The following WARS1 variants were observed in gnomAD, a reference collection of about 807,000 sequenced individuals.
WARS1 encodes tryptophanyl-tRNA synthetase 1, also known as tryptophan--tRNA ligase, cytoplasmic.
In WARS1, 17 loss-of-function variants were observed where a neutral mutation model predicts 47.8. That is an observed-to-expected ratio of 0.36 (90% CI 0.24 to 0.53). The LOEUF is 0.53. Among genes scored for constraint, WARS1 ranks in the 20% least tolerant of loss-of-function variants. The pLI is 0.91. For synonymous variants in WARS1, 208 were observed against 228.1 expected (o/e 0.91, Z 0.79); for missense variants, 434 against 608.0 (o/e 0.71, Z 3.01).
At chr14:100,350,399 GAAAAAAA>G (rs56393656) in intron 6 of WARS1, among the ~76,000 whole-genome samples, 1 of 112,150 alleles carries the variant, frequency 8.9e-6, no homozygotes, top group African/African-American at 3.5e-5. Context: ...CTCAAAAAAA[GAAAAAAA>G]AAAAAAAAAA....
chr14:100,352,332 G>A (rs1449898962), intron 6 of WARS1, among the ~76,000 whole-genome samples: 1 of 151,884 alleles, frequency 6.6e-6, no homozygotes, highest in Non-Finnish European at 1.5e-5. Context: ...GGCTGGTCTC[G>A]AACTCCTGAC....
At chr14:100,346,966 G>T in intron 6 of WARS1, 120 bp from the exon 7 acceptor site, 1 of 838,288 alleles carries the variant, frequency 1.2e-6, no homozygotes, top group African/African-American at 1.7e-5. Context: ...GGGCCACATT[G>T]TGGTCAACAC....
chr14:100,358,414 G>C (rs1027597727), intron 4 of WARS1, among the ~76,000 whole-genome samples: 1 of 152,166 alleles, frequency 6.6e-6, no homozygotes, highest in Admixed American at 6.5e-5. Flanking sequence ...TTACAGACAT[G>C]AGCCACTGCG....
intron 7 of WARS1, among the ~76,000 whole-genome samples, chr14:100,345,552 A>C (rs1335005431): frequency 6.6e-6 from 1 of 151,834 alleles, no homozygotes; most frequent in Non-Finnish European, 1.5e-5. Context: ...TCTGCCTAGG[A>C]AAACCAGAGA....
chr14:100,348,963 G>C (rs1033013272), intron 6 of WARS1, among the ~76,000 whole-genome samples: 1 of 152,218 alleles, frequency 6.6e-6, no homozygotes, highest in Non-Finnish European at 1.5e-5. Context: ...AGGGACGGCT[G>C]TCCCCCTGCA....
At chr14:100,348,780 C>A (rs551729770) in intron 6 of WARS1, among the ~76,000 whole-genome samples, 3 of 152,176 alleles carry the variant, frequency 2.0e-5, no homozygotes, top group Admixed American at 6.5e-5. Context: ...GTCTCCAGTA[C>A]CCCCAAACTG....
chr14:100,370,577 CA>C (rs1566869726), intron 1 of WARS1: 1 of 152,164 alleles, frequency 6.6e-6, no homozygotes, highest in Non-Finnish European at 1.5e-5. Flanking sequence ...TAACTTTGAA[CA>C]CCTCTGTACC....
In WARS1 at chr14:100,369,097, T is replaced by C. The variant is rs1199890086; in HGVS notation, c.89A>G (p.Asn30Ser). Residue 30 changes from asparagine (N) to serine (S), a missense_variant, in exon 2 of 11, where the codon AAT becomes AGT. By Grantham distance (46) the Asn-to-Ser change is conservative. Transcript: ENST00000392882. ...GELVRSLKAG[N>S]ASKDEIDSAV... Reference sequence around the variant, plus strand: ...AGCAAAATCATGTACCTTTGACGCATTTCCCGCTTTGAGGGACCTTACGAG... The same window carrying C: ...AGCAAAATCATGTACCTTTGACGCACTTCCCGCTTTGAGGGACCTTACGAG... The C allele has an allele frequency of 1.9e-6, 3 of 1,556,136 alleles. No homozygotes were observed. The highest frequency in any genetic ancestry group is 3.5e-5 in the Admixed American group (2 of 56,352).
At chr14:100,340,318 A>T (rs952588649) in intron 9 of WARS1, 5 of 152,312 alleles carry the variant, frequency 3.3e-5, no homozygotes, top group African/African-American at 1.2e-4. Context: ...AAGATGATGG[A>T]AGTGGGTGAC....
At chr14:100,350,587 C>T (rs1384301192) in intron 6 of WARS1, among the ~76,000 whole-genome samples, 10 of 152,044 alleles carry the variant, frequency 6.6e-5, no homozygotes, top group Non-Finnish European at 8.8e-5. Context: ...TCTACCCCAT[C>T]GTGCATCTAT....
chr14:100,364,934 T>C (rs577246033), intron 2 of WARS1, among the ~76,000 whole-genome samples: 2 of 152,066 alleles, frequency 1.3e-5, no homozygotes, highest in Admixed American at 1.3e-4. Context: ...AAAAAGTAAC[T>C]TTTTTTTGAC....
At chr14:100,363,306 G>T (rs1042236104) in intron 2 of WARS1, among the ~76,000 whole-genome samples, 5 of 151,912 alleles carry the variant, frequency 3.3e-5, no homozygotes, top group Non-Finnish European at 7.4e-5. Context: ...CTGCATTTTG[G>T]AATAGCACCA....
intron 9 of WARS1, chr14:100,339,987 C>G (rs981449899): frequency 6.6e-6 from 1 of 152,226 alleles, no homozygotes; most frequent in Non-Finnish European, 1.5e-5. Context: ...ATGTGCCATC[C>G]GTGGAGGCTG....
At chr14:100,344,211 T>C (rs1041675657) in intron 7 of WARS1, among the ~76,000 whole-genome samples, 1 of 152,090 alleles carries the variant, frequency 6.6e-6, no homozygotes, top group Non-Finnish European at 1.5e-5. Flanking sequence ...GCCTGCCGAG[T>C]GCCTGCAATT....
At chr14:100,355,557 C>T (rs1212990556) in intron 4 of WARS1, among the ~76,000 whole-genome samples, 2 of 152,060 alleles carry the variant, frequency 1.3e-5, no homozygotes, top group African/African-American at 2.4e-5. Flanking sequence ...GTGAGGAGTT[C>T]CAATGTTCAG....
At position 100,369,119 on chromosome 14, in the gene WARS1, C is replaced by A. The variant is rs146689917; in HGVS notation, c.67G>T (p.Val23Leu). The change falls in exon 2 of 11, where the codon GTA becomes TTA. Residue 23 changes from valine to leucine, a missense_variant. Around this residue, in one of 2 missense-constraint regions of WARS1, gnomAD observed 87 missense variants for 84.2 expected, o/e 1.03. Coordinates refer to ENST00000392882, the MANE Select transcript of WARS1 (RefSeq NM_004184.4). ...GCATTTCCCGCTTTGAGGGACCTTA[C>A]GAGCTCCCCTTGTGTGGCGATGCTG... Reference protein sequence around the residue: ...FNSIATQGELVRSLKAGNASK... With the variant: ...FNSIATQGELLRSLKAGNASK... 2 of 1,570,780 alleles carry A rather than the reference C, an allele frequency of 1.3e-6. No individual in the cohort carries two copies. The highest frequency in any genetic ancestry group is 2.3e-5 in the South Asian group (2 of 87,288).
intron 2 of WARS1, among the ~76,000 whole-genome samples, chr14:100,362,808 T>C (rs1412587107): frequency 6.6e-6 from 1 of 152,246 alleles, no homozygotes; most frequent in African/African-American, 2.4e-5. Context: ...TTCTTTCTTT[T>C]AAATCTCCTT....
chr14:100,371,792 C>G (rs1595467643), intron 1 of WARS1, among the ~76,000 whole-genome samples: 1 of 152,068 alleles, frequency 6.6e-6, no homozygotes, highest in Non-Finnish European at 1.5e-5. Flanking sequence ...CGGTGGCTCA[C>G]AACTGCAGTC....
chr14:100,350,354 T>G (rs1894888060), intron 6 of WARS1, among the ~76,000 whole-genome samples: 1 of 136,308 alleles, frequency 7.3e-6, no homozygotes, highest in African/African-American at 2.8e-5. Flanking sequence ...ATCATGCCAC[T>G]GCTCTCCAGT....
Sources: gnomAD v4.1 joint callset for allele counts (sites outside exome capture counted in the v4.1 genomes callset) on GRCh38, gnomAD v4.1.1 for gene constraint, gnomAD v4.1.1 regional missense constraint, MANE v1.5 for transcripts, NCBI Gene and HGNC (gene_info 2026-07-23, HGNC 2026-07-21) for gene names.